CEP162: variants seen among roughly 807,000 people sequenced by gnomAD.
CEP162 encodes the protein centrosomal protein of 162 kDa.
CEP162 carries 141 observed loss-of-function variants against 169.2 expected under a neutral mutation model. The observed-to-expected ratio is 0.83, with a 90% confidence interval of 0.73 to 0.96. CEP162 has a LOEUF of 0.96. Ranked by LOEUF, CEP162 falls within the 40% of genes least tolerant of loss-of-function variation. CEP162 has a pLI of 0.00. For missense variants in CEP162, 1,600 were observed against 1,587.2 expected, an observed-to-expected ratio of 1.01 and a Z score of -0.14; for synonymous variants, 540 against 526.4, an observed-to-expected ratio of 1.03 and a Z score of -0.35.
At chr6:84,200,269 C>CA (rs1354929875) in intron 9 of CEP162, among the ~76,000 whole-genome samples, 3 of 151,848 alleles carry the variant, frequency 2.0e-5, no homozygotes, top group Admixed American at 6.6e-5. Flanking sequence ...CAAAACAAAA[C>CA]AAAAAAATAG....
intron 21 of CEP162, among the ~76,000 whole-genome samples, chr6:84,156,180 A>C (rs1349256224): frequency 6.6e-6 from 1 of 152,176 alleles, no homozygotes; most frequent in Non-Finnish European, 1.5e-5. Flanking sequence ...TGTCATGTGC[A>C]AAAGAATGAA....
chr6:84,185,996 T>C (rs1287097125), intron 12 of CEP162, among the ~76,000 whole-genome samples: 2 of 152,016 alleles, frequency 1.3e-5, no homozygotes, highest in African/African-American at 2.4e-5. Flanking sequence ...ACTTAAAAAA[T>C]ACAAATGACT....
intron 13 of CEP162, among the ~76,000 whole-genome samples, chr6:84,181,656 G>A (rs1426592941): frequency 1.3e-5 from 2 of 152,038 alleles, no homozygotes; most frequent in Admixed American, 1.3e-4. Context: ...CAGTCAAAAA[G>A]AAACCAATCA....
At chr6:84,206,651 T>A (rs536545313) in intron 6 of CEP162, among the ~76,000 whole-genome samples, 1 of 152,182 alleles carries the variant, frequency 6.6e-6, no homozygotes, top group African/African-American at 2.4e-5. Context: ...ATTCAGGACA[T>A]AGGCATGGGC....
chr6:84,131,922 G>A (rs1192302737), intron 25 of CEP162, among the ~76,000 whole-genome samples: 2 of 152,188 alleles, frequency 1.3e-5, no homozygotes, highest in Non-Finnish European at 2.9e-5. Context: ...AGTTGGTGCA[G>A]TTTCTTCCTA....
intron 22 of CEP162, among the ~76,000 whole-genome samples, chr6:84,154,064 G>C (rs1371484260): frequency 6.6e-6 from 1 of 152,094 alleles, no homozygotes; most frequent in Non-Finnish European, 1.5e-5. Context: ...CATATGCAAA[G>C]CTGGCTGAAT....
chr6:84,151,743 C>A (rs1034879055), intron 23 of CEP162, among the ~76,000 whole-genome samples: 3 of 151,946 alleles, frequency 2.0e-5, no homozygotes, highest in Non-Finnish European at 4.4e-5. Flanking sequence ...GAGTTTTGGT[C>A]AGAGCAGCCA....
In CEP162 at chr6:84,226,439, A is replaced by C; in HGVS notation, c.-46T>G. 1 of 1,252,130 alleles carries C rather than the reference A, an allele frequency of 8.0e-7. No homozygotes were observed. The highest frequency in any genetic ancestry group is 1.1e-6 in the Non-Finnish European group (1 of 875,450). The allele number at this position is 1,252,130 out of a possible 1,614,324, so 77.6% of individuals were successfully genotyped here. A position where few individuals can be genotyped will look rare whatever the true frequency, so the allele number is the denominator to read the frequency against. Reference sequence around the variant, plus strand: ...CAAAGTAAACATTCTAAAGTACCTCAAACATTGGAAACACTAAATGACAAG... The same window carrying C: ...CAAAGTAAACATTCTAAAGTACCTCCAACATTGGAAACACTAAATGACAAG... On this transcript the variant is annotated 5_prime_UTR_variant, in exon 2 of 27. Coordinates refer to ENST00000403245, the MANE Select transcript of CEP162 (RefSeq NM_014895.4).
intron 2 of CEP162, among the ~76,000 whole-genome samples, chr6:84,225,963 T>C (rs558693061): frequency 6.6e-6 from 1 of 151,864 alleles, no homozygotes; most frequent in East Asian, 1.9e-4. Flanking sequence ...ATAAAGTGGG[T>C]GAAAGAGGGA....
At chr6:84,225,593 T>TA (rs2099555397) in intron 2 of CEP162, among the ~76,000 whole-genome samples, 1 of 152,260 alleles carries the variant, frequency 6.6e-6, no homozygotes, top group Middle Eastern at 3.4e-3. Flanking sequence ...TTAGGTACTG[T>TA]AGACATAGTA....
At chr6:84,161,605 A>G in intron 20 of CEP162, 141 bp downstream of exon 20, 1 of 681,484 alleles carries the variant, frequency 1.5e-6, no homozygotes, top group Non-Finnish European at 2.4e-6. Context: ...TAGACTATAT[A>G]TCTAAAAGCA....
At chr6:84,190,622 C>T (rs1467021830) in intron 11 of CEP162, among the ~76,000 whole-genome samples, 6 of 151,862 alleles carry the variant, frequency 4.0e-5, no homozygotes, top group African/African-American at 7.3e-5. Context: ...ACACTCACTG[C>T]GAAGGTCTGC....
At chr6:84,173,918 CAG>C in intron 16 of CEP162, 128 bp downstream of exon 16, 1 of 644,116 alleles carries the variant, frequency 1.6e-6, no homozygotes, top group Non-Finnish European at 2.6e-6. Flanking sequence ...CTCCTGACCT[CAG>C]GTGATCCGCC....
chr6:84,140,456 A>G (rs2099516106), intron 25 of CEP162, among the ~76,000 whole-genome samples: 1 of 151,828 alleles, frequency 6.6e-6, no homozygotes, highest in Non-Finnish European at 1.5e-5. Context: ...ATCGAGGGAG[A>G]TTTGATCTTT....
Position 84,193,645 on chromosome 6 carries a change from G to A in CEP162, c.1073C>T (p.Ser358Phe). Residue 358 changes from serine (S) to phenylalanine (F), a missense_variant, in exon 11 of 27, where the codon TCC becomes TTC. Coordinates refer to ENST00000403245, the MANE Select transcript of CEP162 (RefSeq NM_014895.4). ...EELMKPIRIDSFGISGFDLQP... is the reference protein window; with the variant it reads ...EELMKPIRIDFFGISGFDLQP... ...TAAATCAAAACCACTGATCCCAAAG[G>A]AATCTATTCTGATAGGTTTCATCAG... is the stretch of plus-strand genomic sequence containing the variant. 2 of 1,567,902 alleles carry A rather than the reference G, an allele frequency of 1.3e-6. No homozygotes were observed. Among genetic ancestry groups the A allele is most frequent in the South Asian group, 1.2e-5 (1 of 84,836 alleles).
At chr6:84,149,472 C>T (rs1430580034) in intron 24 of CEP162, 90 bp downstream of exon 24, 1 of 1,063,278 alleles carries the variant, frequency 9.4e-7, no homozygotes, top group African/African-American at 1.6e-5. Context: ...AAAGTTAAAA[C>T]ATTTCCAAAT....
Position 84,149,570 on chromosome 6 carries a change from T to C in CEP162, c.3763A>G (p.Thr1255Ala), listed in dbSNP as rs1469751087. The change falls in exon 24 of 27, where the codon ACT becomes GCT. Residue 1255 changes from threonine to alanine, a missense_variant. Physicochemically the swap from Thr to Ala is moderately conservative, Grantham distance 58. Transcript: ENST00000403245. ...KVAELNRKIA[T>A]QEVLIRHFQS... Reference sequence around the variant, plus strand: ...ACAGATTTGTCATCTACCTCTTGAGTTGCTATTTTACGATTTAGTTCAGCT... The same window carrying C: ...ACAGATTTGTCATCTACCTCTTGAGCTGCTATTTTACGATTTAGTTCAGCT... The C allele has an allele frequency of 1.3e-6, 2 of 1,592,090 alleles. No individual in the cohort carries two copies. Among genetic ancestry groups the C allele is most frequent in the Non-Finnish European group, 1.7e-6 (2 of 1,170,220 alleles).
chr6:84,205,069 G>C (rs375288434), intron 6 of CEP162, among the ~76,000 whole-genome samples: 2 of 152,182 alleles, frequency 1.3e-5, no homozygotes, highest in Non-Finnish European at 2.9e-5. Context: ...ATCTGAAATT[G>C]AGGCAATAAT....
Position 84,125,185 on chromosome 6 carries a change from A to T in CEP162, c.4097T>A (p.Leu1366Gln). The change falls in exon 27 of 27, where the codon CTG becomes CAG. Residue 1366 changes from leucine to glutamine, a missense_variant. By Grantham distance (113) the Leu-to-Gln change is moderately radical (BLOSUM62 -2). Transcript: ENST00000403245. ...GTCTAGTTCTGTGCGGAACTTCTCC[A>T]GCTCACGATTCTTTAACTGTGCCAG... ...KRLAQLKNRELEKFRTELDSI... is the reference protein window; with the variant it reads ...KRLAQLKNREQEKFRTELDSI... 1 of 1,613,700 alleles carries T rather than the reference A, an allele frequency of 6.2e-7. No homozygotes were observed. The highest frequency in any genetic ancestry group is 2.2e-5 in the East Asian group (1 of 44,874).
Sources: allele counts gnomAD v4.1 joint callset (sites outside exome capture counted in the v4.1 genomes callset), GRCh38; gene constraint gnomAD v4.1.1; transcripts MANE v1.5; gene names NCBI Gene and HGNC (gene_info 2026-07-23, HGNC 2026-07-21).